Variants in HELB observed in about 807,000 individuals in gnomAD.
HELB encodes the protein DNA 5'-3' helicase B.
A neutral mutation model predicts 101.7 loss-of-function variants in HELB; 96 were observed. The observed-to-expected ratio is 0.94, with a 90% confidence interval of 0.80 to 1.12. The LOEUF (loss-of-function observed/expected upper bound fraction) is 1.12, where lower values mean the gene tolerates loss of function less well. HELB is among the 50% of genes most tolerant of loss of function. The probability of loss-of-function intolerance (pLI) is 0.00; values close to 1 mark genes in which losing one functional copy is unlikely to be tolerated. For synonymous variants in HELB, 437 were observed against 459.7 expected, an observed-to-expected ratio of 0.95 and a Z score of 0.63; for missense variants, 1,210 against 1,291.9, an observed-to-expected ratio of 0.94 and a Z score of 0.97.
At position 66,302,502 on chromosome 12, in the gene HELB, C is replaced by T; in HGVS notation, c.-102C>T. The T allele has an allele frequency of 9.0e-7, 1 of 1,110,030 alleles. No individual in the cohort carries two copies. Among genetic ancestry groups the T allele is most frequent in the South Asian group, 2.0e-5 (1 of 49,576 alleles). 68.8% of individuals were successfully genotyped at this position (1,110,030 alleles called of 1,614,324 possible). Reference sequence around the variant, plus strand: ...TACGCTGGCGGCCGCCAGGCCGTTCCCGGAAGTTGATGGCCTTACAGTCGT... The same window carrying T: ...TACGCTGGCGGCCGCCAGGCCGTTCTCGGAAGTTGATGGCCTTACAGTCGT... On this transcript the variant is annotated 5_prime_UTR_variant, in exon 1 of 13. Transcript: ENST00000247815.
At chr12:66,311,536 T>G (rs2053545379) in intron 4 of HELB, among the ~76,000 whole-genome samples, 1 of 152,106 alleles carries the variant, frequency 6.6e-6, no homozygotes, top group South Asian at 2.1e-4. Flanking sequence ...TGGTACAATA[T>G]CTGTTTCTCA....
chr12:66,333,676 C>G (rs555621163), intron 12 of HELB, among the ~76,000 whole-genome samples: 1 of 152,158 alleles, frequency 6.6e-6, no homozygotes, highest in East Asian at 1.9e-4. Context: ...AAGAGCAAAA[C>G]TCTATCTCAA....
chr12:66,318,488 T>C, intron 6 of HELB, 150 bp from the exon 7 acceptor site: 1 of 616,432 alleles, frequency 1.6e-6, no homozygotes, highest in Admixed American at 3.8e-5. Context: ...ATAAAACTCA[T>C]TTACTATTTA....
At chr12:66,333,836 G>A (rs2053836053) in intron 12 of HELB, among the ~76,000 whole-genome samples, 1 of 151,898 alleles carries the variant, frequency 6.6e-6, no homozygotes, top group South Asian at 2.1e-4. Flanking sequence ...TTTGAGGGCT[G>A]GAAGCAGTGG....
intron 11 of HELB, among the ~76,000 whole-genome samples, chr12:66,330,680 A>G (rs1486351698): frequency 1.3e-5 from 2 of 148,212 alleles, no homozygotes; most frequent in Non-Finnish European, 3.0e-5. Flanking sequence ...TATAATATAT[A>G]TTCACCTATT....
chr12:66,334,940 G>A (rs2053851079), intron 12 of HELB, among the ~76,000 whole-genome samples: 1 of 152,094 alleles, frequency 6.6e-6, no homozygotes, highest in African/African-American at 2.4e-5. Flanking sequence ...TGTGGTTGGA[G>A]TGTGGATGCA....
At chr12:66,312,362 G>GC (rs2053554757) in intron 4 of HELB, among the ~76,000 whole-genome samples, 1 of 152,198 alleles carries the variant, frequency 6.6e-6, no homozygotes, top group Non-Finnish European at 1.5e-5. Context: ...AGGTTCCTAA[G>GC]CAAGAGAGTG....
At chr12:66,311,800 T>C (rs971407869) in intron 4 of HELB, among the ~76,000 whole-genome samples, 1 of 151,976 alleles carries the variant, frequency 6.6e-6, no homozygotes, top group Admixed American at 6.6e-5. Context: ...TTGTAAAGAG[T>C]TGGAGAGGTT....
At chr12:66,334,424 C>T (rs2053842947) in intron 12 of HELB, among the ~76,000 whole-genome samples, 1 of 148,576 alleles carries the variant, frequency 6.7e-6, no homozygotes, top group Admixed American at 6.7e-5. Context: ...ATTGTGACGT[C>T]CCATTCCAGC....
chr12:66,318,711 A>C lies in HELB; in HGVS notation c.2074A>C (p.Ile692Leu). The change falls in exon 7 of 13, where the codon ATT becomes CTT. Residue 692 changes from isoleucine (I) to leucine (L), a missense_variant. By Grantham distance (5) the Ile-to-Leu change is conservative (BLOSUM62 2). This residue lies in a region of HELB where 740 missense variants were observed against 728.8 expected (regional missense o/e 1.02). Coordinates refer to ENST00000247815, the MANE Select transcript of HELB (RefSeq NM_001370285.1). ...ISDNPTLPIS[I>L]QDKTFIFVRL... ...TGATAATCCAACATTACCCATCTCA[A>C]TTCAAGATAAGACATTTATTTTTGT... is the stretch of plus-strand genomic sequence containing the variant. 1 of 1,610,500 alleles carries C rather than the reference A, an allele frequency of 6.2e-7. No homozygotes were observed. The highest frequency in any genetic ancestry group is 8.5e-7 in the Non-Finnish European group (1 of 1,178,972).
intron 10 of HELB, 142 bp from the exon 11 acceptor site, chr12:66,324,841 A>ATCCT (rs2053716705): frequency 2.0e-6 from 2 of 995,678 alleles, no homozygotes; most frequent in Non-Finnish European, 1.5e-6. Flanking sequence ...GCTGAAATGC[A>ATCCT]AATTTTAAGC....
chr12:66,303,787 AGTTATACCT>A (rs2053438888), intron 1 of HELB, among the ~76,000 whole-genome samples: 1 of 152,038 alleles, frequency 6.6e-6, no homozygotes, highest in Non-Finnish European at 1.5e-5. Context: ...CTGTGCTATA[AGTTATACCT>A]GTTATGTATA....
chr12:66,317,095 G>A (rs2053616096), intron 6 of HELB, among the ~76,000 whole-genome samples: 1 of 151,810 alleles, frequency 6.6e-6, no homozygotes, highest in South Asian at 2.1e-4. Context: ...TAGTCGGGAG[G>A]CTGAGACAGG....
intron 12 of HELB, among the ~76,000 whole-genome samples, chr12:66,331,900 A>C (rs1006982326): frequency 2.0e-5 from 3 of 151,642 alleles, no homozygotes; most frequent in African/African-American, 7.3e-5. Context: ...TTGAGAACTG[A>C]CTCATTCTCA....
intron 12 of HELB, among the ~76,000 whole-genome samples, chr12:66,333,987 C>G (rs146635128): frequency 0.011 from 1,668 of 151,826 alleles, 17 homozygotes; most frequent in Middle Eastern, 0.048. Context: ...TGGTGAACCC[C>G]CATCTCTACT....
chr12:66,332,884 A>G (rs2053825575), intron 12 of HELB, among the ~76,000 whole-genome samples: 1 of 152,028 alleles, frequency 6.6e-6, no homozygotes, highest in South Asian at 2.1e-4. Flanking sequence ...TCTCAACATC[A>G]TTTCATTTCC....
In HELB at chr12:66,337,142, A is replaced by G. The variant is rs145883785; in HGVS notation, c.3163-859A>G. ...ACAGGTGGATCCAGCACCATTAATC[A>G]GATTGGGAAAAGAGTCTGAGGGTCA... On this transcript the variant is annotated intron_variant, in intron 12 of 12. Transcript: ENST00000247815. 6.8e-4 allele frequency among the ~76,000 whole-genome samples: 103 copies of G among 152,246 alleles called. 4 individuals are homozygous for G. The South Asian group carries it at 0.017, about 26-fold the overall frequency.
chr12:66,325,625 G>C (rs746278183), intron 11 of HELB, among the ~76,000 whole-genome samples: 1 of 152,056 alleles, frequency 6.6e-6, no homozygotes, highest in African/African-American at 2.4e-5. Context: ...CTTCTGCCCC[G>C]AATTTGGTAT....
chr12:66,318,716 A>C lies in HELB; in HGVS notation c.2079A>C (p.Gln693His), dbSNP rs1565640115. The change falls in exon 7 of 13, where the codon CAA becomes CAC. Residue 693 changes from glutamine (Q) to histidine (H), a missense_variant. By Grantham distance (24) the Gln-to-His change is conservative (BLOSUM62 0). Coordinates refer to ENST00000247815, the MANE Select transcript of HELB (RefSeq NM_001370285.1). ...ATCCAACATTACCCATCTCAATTCAAGATAAGACATTTATTTTTGTCAGGC... is the reference window on the plus strand; with the variant it reads ...ATCCAACATTACCCATCTCAATTCACGATAAGACATTTATTTTTGTCAGGC... ...SDNPTLPISI[Q>H]DKTFIFVRLP... 1.2e-6 allele frequency: 2 copies of C among 1,610,642 alleles called. No individual in the cohort carries two copies. The highest frequency in any genetic ancestry group is 1.7e-4 in the Middle Eastern group (1 of 6,038).
Sources: gnomAD v4.1 joint callset for allele counts (sites outside exome capture counted in the v4.1 genomes callset) on GRCh38, gnomAD v4.1.1 for gene constraint, gnomAD v4.1.1 regional missense constraint, MANE v1.5 for transcripts, NCBI Gene and HGNC (gene_info 2026-07-23, HGNC 2026-07-21) for gene names.